The following TNRC6C variants were observed in gnomAD, a reference collection of about 807,000 sequenced individuals.
TNRC6C encodes the protein trinucleotide repeat containing adaptor 6C, also known as trinucleotide repeat-containing gene 6C protein.
TNRC6C carries 20 observed loss-of-function variants against 153.7 expected under a neutral mutation model. The observed-to-expected ratio is 0.13, with a 90% CI of 0.09 to 0.19. The LOEUF is 0.19. TNRC6C is among the 10% of genes least tolerant of loss of function. The pLI, the probability that TNRC6C is intolerant of heterozygous loss-of-function variation, is 1.00. For missense variants in TNRC6C, 1,987 were observed against 2,172.0 expected, an observed-to-expected ratio of 0.91 and a Z score of 1.69; for synonymous variants, 811 against 841.4, an observed-to-expected ratio of 0.96 and a Z score of 0.63.
At chr17:78,003,268 A>T (rs926862057), upstream of TNRC6C, among the ~76,000 whole-genome samples, 1 of 152,218 alleles carries the variant, frequency 6.6e-6, no homozygotes, top group African/African-American at 2.4e-5. Flanking sequence ...TCAGTGCCTG[A>T]ACAGACAACC....
At chr17:78,043,407 A>G (rs1417993266) in intron 2 of TNRC6C, among the ~76,000 whole-genome samples, 2 of 152,238 alleles carry the variant, frequency 1.3e-5, no homozygotes, top group Non-Finnish European at 2.9e-5. Context: ...ATTGACTTCT[A>G]TAGTAAAACA....
chr17:77,994,835 C>G (rs183598950), intron 1 of TNRC6C, among the ~76,000 whole-genome samples: 5 of 151,764 alleles, frequency 3.3e-5, no homozygotes, highest in Non-Finnish European at 7.4e-5. Context: ...TATTTCAGGT[C>G]TTTGTGCTAT....
intron 2 of TNRC6C, among the ~76,000 whole-genome samples, 178 bp from the exon 5 acceptor site, chr17:78,048,667 C>T (rs1419190122): frequency 1.3e-5 from 2 of 152,198 alleles, no homozygotes; most frequent in African/African-American, 4.8e-5. Flanking sequence ...CATTAACGCT[C>T]TTTAAAATGG....
rs1360648597 is a variant in TNRC6C, at chr17:78,048,728, T to G, written c.-218-117T>G. 5.9e-6 allele frequency: 6 copies of G among 1,022,700 alleles called. No individual in the cohort carries two copies. In the East Asian group the frequency reaches 1.3e-4, roughly 22 times the overall value. The allele number at this position is 1,022,700 out of a possible 1,614,324, so 63.4% of individuals were successfully genotyped here. ...TTTTCTTTAAGTCATTTTTTTAGTGTTTGTCATTCAGATTTGAAGACTTGA... is the reference window on the plus strand; with the variant it reads ...TTTTCTTTAAGTCATTTTTTTAGTGGTTGTCATTCAGATTTGAAGACTTGA... On this transcript the variant is annotated intron_variant, in intron 2 of 19. Coordinates refer to ENST00000301624, the Ensembl canonical transcript of TNRC6C.
chr17:78,042,114 G>A (rs762730011), intron 2 of TNRC6C, among the ~76,000 whole-genome samples: 3 of 152,118 alleles, frequency 2.0e-5, no homozygotes, highest in Non-Finnish European at 4.4e-5. Flanking sequence ...ATGCTATTAT[G>A]TAATCCTTTT....
At chr17:78,003,020 A>G (rs1454951549), upstream of TNRC6C, among the ~76,000 whole-genome samples, 2 of 152,216 alleles carry the variant, frequency 1.3e-5, no homozygotes, top group African/African-American at 4.8e-5. Context: ...ATAGGAAGTT[A>G]TGGTCAGAAT....
At chr17:78,068,529 C>G (rs184377636) in intron 5 of TNRC6C, among the ~76,000 whole-genome samples, 3 of 152,248 alleles carry the variant, frequency 2.0e-5, no homozygotes, top group African/African-American at 7.2e-5. Context: ...CACAGTGGCT[C>G]ACACCTGTAA....
At chr17:78,087,148 C>T in intron 13 of TNRC6C, 55 bp downstream of exon 15, 3 of 1,586,028 alleles carry the variant, frequency 1.9e-6, no homozygotes, top group Non-Finnish European at 2.6e-6. Context: ...TACCTGGAGT[C>T]CGTATGTGGT....
In TNRC6C at chr17:78,009,353, A is replaced by C. The variant is rs550816347; in HGVS notation, c.-546+4274A>C. On this transcript the variant is annotated intron_variant, in intron 1 of 19. Coordinates refer to ENST00000301624, the Ensembl canonical transcript of TNRC6C. ...TCAGTATTGTTTTCTGGGTGTTTTC[A>C]TGGATTGAGTGAGGGTTTTTTTAAT... is the stretch of plus-strand genomic sequence containing the variant. 3.3e-5 allele frequency among the ~76,000 whole-genome samples: 5 copies of C among 151,860 alleles called. No homozygotes were observed. The East Asian group carries it at 7.7e-4, about 23-fold the overall frequency.
chr17:78,086,765 A>G (rs1391588642), intron 12 of TNRC6C, 88 bp from the exon 15 acceptor site: 1 of 1,578,776 alleles, frequency 6.3e-7, no homozygotes, highest in Non-Finnish European at 8.6e-7. Flanking sequence ...GCCTCAGCAT[A>G]AAGACAATGA....
chr17:78,093,785 C>T (rs1183314589), intron 16 of TNRC6C, 22 bp downstream of exon 18: 4 of 1,613,162 alleles, frequency 2.5e-6, no homozygotes, highest in Admixed American at 3.3e-5. Context: ...GCTCTTCCTG[C>T]CTCTGCATGG....
At chr17:78,098,166 A>T (rs1400802581) in intron 16 of TNRC6C, among the ~76,000 whole-genome samples, 177 bp from the exon 20 acceptor site, 1 of 152,244 alleles carries the variant, frequency 6.6e-6, no homozygotes, top group African/African-American at 2.4e-5. Flanking sequence ...ACTTAGAGGC[A>T]AAACACTTCT....
At chr17:78,065,365 A>G (rs776384967) in intron 4 of TNRC6C, among the ~76,000 whole-genome samples, 17 of 152,134 alleles carry the variant, frequency 1.1e-4, no homozygotes, top group Non-Finnish European at 1.9e-4. Flanking sequence ...AAGGAAAAAA[A>G]AAAAGCCAAG....
At chr17:78,096,909 C>T (rs538651454) in intron 16 of TNRC6C, among the ~76,000 whole-genome samples, 1 of 152,312 alleles carries the variant, frequency 6.6e-6, no homozygotes, top group African/African-American at 2.4e-5. Context: ...ATTGAGGTGC[C>T]TTAAGGATGG....
chr17:77,995,357 G>A (rs1417655144), intron 1 of TNRC6C, among the ~76,000 whole-genome samples: 2 of 152,188 alleles, frequency 1.3e-5, no homozygotes, highest in Admixed American at 6.5e-5. Context: ...CTAGCCAGGA[G>A]GCAGAACTCT....
At position 78,078,968 on chromosome 17, in the gene TNRC6C, C is replaced by T. The variant is rs566926945; in HGVS notation, c.3211-427C>T. Reference sequence around the variant, plus strand: ...TTTAGCCGGGTATGGTGGCAGGCGACGGTAATCCCAGCTCCTCGGGAGACT... The same window carrying T: ...TTTAGCCGGGTATGGTGGCAGGCGATGGTAATCCCAGCTCCTCGGGAGACT... On this transcript the variant is annotated intron_variant, in intron 9 of 19. Transcript: ENST00000301624. 4.5e-4 allele frequency among the ~76,000 whole-genome samples: 69 copies of T among 152,160 alleles called. 1 individual carries two copies. In the South Asian group the frequency reaches 0.013, roughly 29 times the overall value.
intron 1 of TNRC6C, among the ~76,000 whole-genome samples, chr17:77,965,654 A>G (rs1400696739): frequency 6.6e-6 from 1 of 152,226 alleles, no homozygotes; most frequent in Non-Finnish European, 1.5e-5. Context: ...TCTTACTAGT[A>G]TAGTGAGAGA....
intron 1 of TNRC6C, among the ~76,000 whole-genome samples, chr17:78,025,225 C>T (rs1304375115): frequency 6.6e-6 from 1 of 152,188 alleles, no homozygotes; most frequent in Non-Finnish European, 1.5e-5. Context: ...CCCCTGTGCT[C>T]CGCATAGTCA....
Position 78,079,413 on chromosome 17 carries a change from G to C in TNRC6C, c.3229G>C (p.Gly1077Arg). ...TGTGCAGATACCGAGTGGCAATCTG[G>C]GTATGTTTGGCAATAGTGGAGCAGC... The change falls in exon 10 of 20, where the codon GGT (glycine) becomes CGT (arginine). Residue 1077 changes from glycine (G) to arginine (R), a missense_variant. Gly to Arg is a moderately radical substitution (Grantham distance 125). Transcript: ENST00000301624. The surrounding 1 kb of genome is among the most constrained non-coding windows in gnomAD (Gnocchi z 4.3). 3.7e-6 allele frequency: 6 copies of C among 1,613,862 alleles called. No individual in the cohort carries two copies. The highest frequency in any genetic ancestry group is 5.1e-6 in the Non-Finnish European group (6 of 1,179,832).
Sources: gnomAD v4.1 joint callset for allele counts (sites outside exome capture counted in the v4.1 genomes callset) on GRCh38, gnomAD v4.1.1 for gene constraint, Gnocchi (gnomAD v3.1) non-coding constraint, MANE v1.5 for transcripts, NCBI Gene and HGNC (gene_info 2026-07-23, HGNC 2026-07-21) for gene names.